Variants in RAD54B observed in about 807,000 individuals in gnomAD.
RAD54B encodes DNA repair and recombination protein RAD54B.
Under a neutral mutation model 95.8 loss-of-function variants are expected in RAD54B, and 78 were observed. The ratio of observed to expected loss-of-function variants is 0.81; its 90% CI spans 0.68 to 0.98. The LOEUF (loss-of-function observed/expected upper bound fraction) is 0.98. RAD54B is among the 50% of genes least tolerant of loss of function. RAD54B has a pLI of 0.00. For synonymous variants in RAD54B, 328 were observed against 354.9 expected (o/e 0.92, Z 0.85); for missense variants, 957 against 1,056.6 (o/e 0.91, Z 1.31).
chr8:94,430,407 C>A, intron 3 of RAD54B: 2 of 985,204 alleles, frequency 2.0e-6, no homozygotes, highest in South Asian at 9.4e-5. Flanking sequence ...TACTCTTCGA[C>A]AAAAATTTTG....
At position 94,399,099 on chromosome 8, in the gene RAD54B, G is replaced by A. The variant is rs528848701; in HGVS notation, c.1378+315C>T. Among the ~76,000 whole-genome samples the A allele has an allele frequency of 7.0e-4, 107 of 152,150 alleles. 2 individuals carry two copies. In the South Asian group the frequency reaches 0.022, roughly 31 times the overall value. On this transcript the variant is annotated intron_variant, in intron 8 of 14. Transcript: ENST00000336148. ...AGATTTAAAAAAACTGAGGCACAGAGACACTAAATAATTTGCTCCAAGTTG... is the reference window on the plus strand; with the variant it reads ...AGATTTAAAAAAACTGAGGCACAGAAACACTAAATAATTTGCTCCAAGTTG...
chr8:94,436,397 TG>T, intron 3 of RAD54B: 1 of 1,358,512 alleles, frequency 7.4e-7, no homozygotes, highest in Non-Finnish European at 9.7e-7. Flanking sequence ...GCTCCCGTTG[TG>T]GGGATGCTTA....
rs556672597 is a variant in RAD54B, at chr8:94,432,725, T to C, written c.305-21410A>G. 291 of 1,382,756 alleles carry C rather than the reference T, an allele frequency of 2.1e-4. 1 individual carries two copies. The highest frequency in any genetic ancestry group is 7.6e-4 in the Admixed American group (24 of 31,464). 85.7% of individuals were successfully genotyped at this position (1,382,756 alleles called of 1,614,324 possible). A position where few individuals can be genotyped will look rare whatever the true frequency, so the allele number is the denominator to read the frequency against. ...GAAAAAGTGTATATTTATAGCATAA[T>C]TTTAATTTAATGTACATTAAATGAT... On this transcript the variant is annotated intron_variant, in intron 3 of 14. Transcript: ENST00000336148.
At chr8:94,444,378 A>C (rs1812470146) in intron 3 of RAD54B, among the ~76,000 whole-genome samples, 1 of 151,628 alleles carries the variant, frequency 6.6e-6, no homozygotes, top group South Asian at 2.1e-4. Context: ...GACCACATGC[A>C]TAAGGATGTT....
chr8:94,432,334 G>C, intron 3 of RAD54B: 1 of 1,550,218 alleles, frequency 6.5e-7, no homozygotes, highest in African/African-American at 1.4e-5. Flanking sequence ...AGGATCTGAG[G>C]ATCATACCCT....
intron 3 of RAD54B, among the ~76,000 whole-genome samples, chr8:94,442,964 T>C (rs1586027478): frequency 6.6e-6 from 1 of 152,164 alleles, no homozygotes; most frequent in Admixed American, 6.5e-5. Flanking sequence ...CATAAGAAAA[T>C]CCCTTCCTAG....
chr8:94,429,120 C>A lies in RAD54B; in HGVS notation c.305-17805G>T, dbSNP rs540801053. The A allele has an allele frequency of 2.3e-5, 23 of 984,930 alleles. No individual in the cohort carries two copies. In the African/African-American group the frequency reaches 3.7e-4, roughly 16 times the overall value. 61.0% of individuals were successfully genotyped at this position (984,930 alleles called of 1,614,324 possible). A position where few individuals can be genotyped will look rare whatever the true frequency, so the allele number is the denominator to read the frequency against. ...CTTGGAAAAGTTGCTGCAGTAAACT[C>A]AAAGAGTGTGATTCTGGTGTTTAAA... On this transcript the variant is annotated intron_variant, in intron 3 of 14. Transcript: ENST00000336148.
intron 11 of RAD54B, among the ~76,000 whole-genome samples, chr8:94,384,926 A>G (rs1810834054): frequency 6.6e-6 from 1 of 152,166 alleles, no homozygotes; most frequent in Non-Finnish European, 1.5e-5. Flanking sequence ...CAACATGGTG[A>G]AACACCGTCT....
intron 1 of RAD54B, among the ~76,000 whole-genome samples, chr8:94,470,844 G>T (rs979235661): frequency 3.3e-5 from 5 of 151,888 alleles, no homozygotes; most frequent in African/African-American, 1.2e-4. Flanking sequence ...CTATAATGAA[G>T]TACAAGATAA....
At chr8:94,425,852 G>T (rs1200483264) in intron 3 of RAD54B, among the ~76,000 whole-genome samples, 6 of 149,860 alleles carry the variant, frequency 4.0e-5, no homozygotes, top group Non-Finnish European at 8.9e-5. Context: ...AATATTCCCA[G>T]ATATCTAAAT....
chr8:94,417,156 T>C (rs1811693424), intron 3 of RAD54B, among the ~76,000 whole-genome samples: 1 of 152,176 alleles, frequency 6.6e-6, no homozygotes, highest in Admixed American at 6.5e-5. Context: ...ATTTTAGGAT[T>C]CCATTCATAT....
At chr8:94,392,154 G>C (rs1441991677) in intron 9 of RAD54B, among the ~76,000 whole-genome samples, 1 of 152,114 alleles carries the variant, frequency 6.6e-6, no homozygotes, top group African/African-American at 2.4e-5. Flanking sequence ...TAGAATCTTA[G>C]AGTCAATGAA....
At chr8:94,411,066 G>T in intron 4 of RAD54B, 55 bp downstream of exon 4, 1 of 1,304,138 alleles carries the variant, frequency 7.7e-7, no homozygotes, top group Non-Finnish European at 1.1e-6. Context: ...TTATGTAACC[G>T]GAGATACATA....
intron 3 of RAD54B, among the ~76,000 whole-genome samples, chr8:94,422,601 A>T (rs1811832792): frequency 2.1e-5 from 2 of 93,312 alleles, no homozygotes; most frequent in Non-Finnish European, 4.0e-5. Context: ...AAAAAAAAAA[A>T]AAAAAAAAAA....
At chr8:94,419,594 T>C (rs1211135085) in intron 3 of RAD54B, among the ~76,000 whole-genome samples, 1 of 152,028 alleles carries the variant, frequency 6.6e-6, no homozygotes, top group African/African-American at 2.4e-5. Context: ...ACAAAATACA[T>C]GGAACACAAG....
chr8:94,375,178 C>A (rs767889487), intron 14 of RAD54B, among the ~76,000 whole-genome samples: 1 of 152,080 alleles, frequency 6.6e-6, no homozygotes, highest in Non-Finnish European at 1.5e-5. Context: ...AAAAATTTAC[C>A]TTATAGGTAT....
intron 3 of RAD54B, chr8:94,437,033 C>A: frequency 7.4e-7 from 1 of 1,344,086 alleles, no homozygotes; most frequent in Middle Eastern, 2.7e-4. Context: ...CTTAAGCTGA[C>A]GCAGGTTCAG....
intron 11 of RAD54B, among the ~76,000 whole-genome samples, chr8:94,381,297 C>T (rs1424289817): frequency 6.6e-6 from 1 of 152,048 alleles, no homozygotes; most frequent in Non-Finnish European, 1.5e-5. Flanking sequence ...AGAAAAGATC[C>T]ACAGATAGGG....
chr8:94,430,018 A>C (rs892852216), intron 3 of RAD54B: 2 of 985,362 alleles, frequency 2.0e-6, no homozygotes, highest in Non-Finnish European at 1.2e-6. Context: ...CTGACTCATT[A>C]AAAATAGTAT....
Sources: allele counts gnomAD v4.1 joint callset (sites outside exome capture counted in the v4.1 genomes callset), GRCh38; gene constraint gnomAD v4.1.1; transcripts MANE v1.5; gene names NCBI Gene and HGNC (gene_info 2026-07-23, HGNC 2026-07-21).